Variants in UBE2Z observed in about 807,000 individuals in gnomAD.
UBE2Z encodes ubiquitin-conjugating enzyme E2 Z.
In UBE2Z, 10 loss-of-function variants were observed where a neutral mutation model predicts 32.6. That is an observed-to-expected ratio of 0.31 (90% confidence interval 0.19 to 0.52). UBE2Z has a LOEUF of 0.52. UBE2Z is among the 20% of genes least tolerant of loss of function. The pLI, the probability that UBE2Z is intolerant of heterozygous loss-of-function variation, is 0.97. For missense variants in UBE2Z, 343 were observed against 480.9 expected, an observed-to-expected ratio of 0.71 and a Z score of 2.68; for synonymous variants, 183 against 190.8, an observed-to-expected ratio of 0.96 and a Z score of 0.34.
At chr17:48,923,637 A>G (rs1479404007) in intron 6 of UBE2Z, among the ~76,000 whole-genome samples, 1 of 84,738 alleles carries the variant, frequency 1.2e-5, no homozygotes, top group Non-Finnish European at 3.3e-5. Flanking sequence ...AAAAAAGCTA[A>G]AAGCAACCTA....
intron 1 of UBE2Z, chr17:48,910,311 C>A (rs148694042): frequency 4.0e-4 from 63 of 155,970 alleles, no homozygotes; most frequent in Admixed American, 5.0e-4. Context: ...TAGTCTTACT[C>A]TCTGCTGGCT....
chr17:48,910,658 G>C (rs774280550), intron 1 of UBE2Z, 150 bp from the exon 2 acceptor site: 26 of 616,172 alleles, frequency 4.2e-5, no homozygotes, highest in Non-Finnish European at 7.4e-5. Flanking sequence ...AGATTTCTCA[G>C]CCAACAAGAC....
At chr17:48,913,682 A>G (rs1007025236) in intron 3 of UBE2Z, among the ~76,000 whole-genome samples, 4 of 151,980 alleles carry the variant, frequency 2.6e-5, no homozygotes, top group African/African-American at 9.7e-5. Context: ...AGCTCTCCAG[A>G]TGATTGTGGT....
rs1437128644 is a variant in UBE2Z at position 48,928,598 on chromosome 17, AGGG to A, written c.*1468_*1470del. On this transcript the variant is annotated 3_prime_UTR_variant, in exon 7 of 7. Coordinates refer to ENST00000360943, the MANE Select transcript of UBE2Z (RefSeq NM_023079.5). ...GACTCCCCTTGGAGGATCTGTGCAA[AGGG>A]GGGCTGGGCACAAAGGAGAATGTCC... The A allele has an allele frequency of 6.5e-6, 1 of 152,698 alleles. No homozygotes were observed. Among genetic ancestry groups the A allele is most frequent in the African/African-American group, 2.4e-5 (1 of 41,420 alleles). 9.5% of individuals were successfully genotyped at this position (152,698 alleles called of 1,614,324 possible).
chr17:48,909,106 A>G (rs1408250675), intron 1 of UBE2Z: 1 of 81,512 alleles, frequency 1.2e-5, no homozygotes, highest in South Asian at 2.7e-4. Flanking sequence ...CCTCCCCCAC[A>G]CCTCCCACCT....
Position 48,923,001 on chromosome 17 carries a change from A to G in UBE2Z, c.894+64A>G, listed in dbSNP as rs569057546. On this transcript the variant is annotated intron_variant, in intron 6 of 6. Transcript: ENST00000360943. ...GCTGGCCATGTAAAAGCCCCCCACA[A>G]GCGTGGCATCGACAGCTGTCATAGA... 1.0e-4 allele frequency: 145 copies of G among 1,438,604 alleles called. 1 individual carries two copies. Among genetic ancestry groups the G allele is most frequent in the Non-Finnish European group, 1.3e-4 (131 of 1,044,422 alleles). 89.1% of individuals were successfully genotyped at this position (1,438,604 alleles called of 1,614,324 possible). A position where few individuals can be genotyped will look rare whatever the true frequency, so the allele number is the denominator to read the frequency against.
chr17:48,928,727 A>T lies in UBE2Z; in HGVS notation c.*1593A>T, dbSNP rs1219534576. 1 of 152,666 alleles carries T rather than the reference A, an allele frequency of 6.6e-6. No homozygotes were observed. The allele number at this position is 152,666 out of a possible 1,614,324, so 9.5% of individuals were successfully genotyped here. A position where few individuals can be genotyped will look rare whatever the true frequency, so the allele number is the denominator to read the frequency against. On this transcript the variant is annotated 3_prime_UTR_variant, in exon 7 of 7. Transcript: ENST00000360943. Reference sequence around the variant, plus strand: ...CCTTGAAGAGGCTGGGTCTCTTCACATGAAGATCGAAAAGGGACCCTGCTT... The same window carrying T: ...CCTTGAAGAGGCTGGGTCTCTTCACTTGAAGATCGAAAAGGGACCCTGCTT...
chr17:48,922,520 G>C (rs1257010915), intron 5 of UBE2Z, among the ~76,000 whole-genome samples: 3 of 152,218 alleles, frequency 2.0e-5, no homozygotes, highest in Non-Finnish European at 4.4e-5. Flanking sequence ...TGTAGTCCTA[G>C]CACTTTGGGA....
chr17:48,925,876 G>C (rs2040794408), intron 6 of UBE2Z, among the ~76,000 whole-genome samples: 1 of 152,184 alleles, frequency 6.6e-6, no homozygotes, highest in African/African-American at 2.4e-5. Flanking sequence ...GGTAATGTGT[G>C]GGCAGAAGTA....
chr17:48,908,448 A>C lies in UBE2Z; in HGVS notation c.-56A>C, dbSNP rs961503940. Reference sequence around the variant, plus strand: ...CGGTGGTGCGGGAGCGGGCGGGAGCAGCGGCCGCTCTGGTCGGCGGACGTG... The same window carrying C: ...CGGTGGTGCGGGAGCGGGCGGGAGCCGCGGCCGCTCTGGTCGGCGGACGTG... On this transcript the variant is annotated 5_prime_UTR_variant, in exon 1 of 7. Transcript: ENST00000360943. 1 of 1,210,288 alleles carries C rather than the reference A, an allele frequency of 8.3e-7. No homozygotes were observed. The highest frequency in any genetic ancestry group is 1.0e-6 in the Non-Finnish European group (1 of 970,654). 75.0% of individuals were successfully genotyped at this position (1,210,288 alleles called of 1,614,324 possible). A position where few individuals can be genotyped will look rare whatever the true frequency, so the allele number is the denominator to read the frequency against.
At position 48,927,905 on chromosome 17, in the gene UBE2Z, T is replaced by C. The variant is rs1555581537; in HGVS notation, c.*771T>C. The C allele has an allele frequency of 6.6e-6, 1 of 152,480 alleles. No homozygotes were observed. The highest frequency in any genetic ancestry group is 1.5e-5 in the Non-Finnish European group (1 of 68,046). 9.4% of individuals were successfully genotyped at this position (152,480 alleles called of 1,614,324 possible). A position where few individuals can be genotyped will look rare whatever the true frequency, so the allele number is the denominator to read the frequency against. On this transcript the variant is annotated 3_prime_UTR_variant, in exon 7 of 7. Coordinates refer to ENST00000360943, the MANE Select transcript of UBE2Z (RefSeq NM_023079.5). ...ACCGTAAGAAGCTGAAAATACTGTT[T>C]GTTCCCGCAATCACTGATTTGAAAA...
At chr17:48,915,057 G>A (rs1351623240) in intron 3 of UBE2Z, among the ~76,000 whole-genome samples, 1 of 151,980 alleles carries the variant, frequency 6.6e-6, no homozygotes, top group Non-Finnish European at 1.5e-5. Flanking sequence ...GGTGTTCCTA[G>A]TTGACTGTAT....
chr17:48,911,087 T>G, intron 2 of UBE2Z: 1 of 547,442 alleles, frequency 1.8e-6, no homozygotes, highest in Non-Finnish European at 3.3e-6. Context: ...ACCCCATAGG[T>G]ACTGATTGGC....
Position 48,908,749 on chromosome 17 carries a change from C to T in UBE2Z, c.246C>T (p.His82=). The stretch of plus-strand genomic sequence containing the variant: ...CCCACGGGGCCGCGCTGCTTAGCCA[C>T]TGGGACCCCACGCTCAGCTCCGACT... ...AAAHGAALLS[H]WDPTLSSDWD... is the part of the protein sequence containing the mutation. Residue 82 remains histidine (H), a synonymous_variant, in exon 1 of 7, where the codon CAC becomes CAT. Coordinates refer to ENST00000360943, the MANE Select transcript of UBE2Z (RefSeq NM_023079.5). 4 of 1,497,314 alleles carry T rather than the reference C, an allele frequency of 2.7e-6. No individual in the cohort carries two copies. The South Asian group carries it at 3.6e-5, about 14-fold the overall frequency. The allele number at this position is 1,497,314 out of a possible 1,614,324, so 92.8% of individuals were successfully genotyped here. A position where few individuals can be genotyped will look rare whatever the true frequency, so the allele number is the denominator to read the frequency against.
chr17:48,922,709 G>A, intron 5 of UBE2Z, 138 bp from the exon 6 acceptor site: 1 of 526,894 alleles, frequency 1.9e-6, no homozygotes, highest in Non-Finnish European at 3.4e-6. Flanking sequence ...AGAGGTCACA[G>A]TGAGCTGAGG....
chr17:48,923,746 T>TA (rs1405269278), intron 6 of UBE2Z, among the ~76,000 whole-genome samples: 1 of 151,906 alleles, frequency 6.6e-6, no homozygotes, highest in African/African-American at 2.4e-5. Flanking sequence ...TTTTTTTTTT[T>TA]TTTAAAGGCA....
chr17:48,923,332 A>ATT (rs1365262113), intron 6 of UBE2Z, among the ~76,000 whole-genome samples: 2 of 148,420 alleles, frequency 1.3e-5, no homozygotes, highest in African/African-American at 5.0e-5. Flanking sequence ...AAAAAAAAAA[A>ATT]AAAAAAAAAA....
rs1278674520 is a variant in UBE2Z at position 48,929,038 on chromosome 17, A to G, written c.*1904A>G. The G allele has an allele frequency of 1.3e-5, 2 of 152,526 alleles. No individual in the cohort carries two copies. Among genetic ancestry groups the G allele is most frequent in the East Asian group, 1.9e-4 (1 of 5,192 alleles). The allele number at this position is 152,526 out of a possible 1,614,324, so 9.4% of individuals were successfully genotyped here. ...TTTTTGTTTTCCTTTTTGGTGCAAT[A>G]AAGTTTGTTTTGGCAGAAGGAGGAA... is the stretch of plus-strand genomic sequence containing the variant. On this transcript the variant is annotated 3_prime_UTR_variant, in exon 7 of 7. Transcript: ENST00000360943.
In UBE2Z at chr17:48,908,742, T is replaced by C; in HGVS notation, c.239T>C (p.Leu80Pro). Reference protein sequence around the residue: ...PSAAAHGAALLSHWDPTLSSD... With the variant: ...PSAAAHGAALPSHWDPTLSSD... ...GCCGCTGCCCACGGGGCCGCGCTGC[T>C]TAGCCACTGGGACCCCACGCTCAGC... is the stretch of plus-strand genomic sequence containing the variant. The change falls in exon 1 of 7, where the codon CTT (leucine) becomes CCT (proline). Residue 80 changes from leucine (L) to proline (P), a missense_variant. Physicochemically the swap from Leu to Pro is moderately conservative, Grantham distance 98. Around this residue, in one of 4 missense-constraint regions of UBE2Z, gnomAD observed 55 missense variants for 56.2 expected, o/e 0.98. Transcript: ENST00000360943. 1 of 1,487,606 alleles carries C rather than the reference T, an allele frequency of 6.7e-7. No homozygotes were observed. The allele number at this position is 1,487,606 out of a possible 1,614,324, so 92.2% of individuals were successfully genotyped here. A position where few individuals can be genotyped will look rare whatever the true frequency, so the allele number is the denominator to read the frequency against.
Sources: allele counts gnomAD v4.1 joint callset (sites outside exome capture counted in the v4.1 genomes callset), GRCh38; gene constraint gnomAD v4.1.1; regional missense constraint gnomAD v4.1.1; transcripts MANE v1.5; gene names NCBI Gene and HGNC (gene_info 2026-07-23, HGNC 2026-07-21).